Variants in BRIX1 observed in about 807,000 individuals in gnomAD.
The protein encoded by BRIX1 is ribosome biogenesis protein BRX1 homolog.
In BRIX1, 15 loss-of-function variants were observed where a neutral mutation model predicts 44.0. The observed-to-expected ratio is 0.34, with a 90% CI of 0.23 to 0.53. The LOEUF (loss-of-function observed/expected upper bound fraction) is 0.53. Ranked by LOEUF, BRIX1 falls within the 20% of genes least tolerant of loss-of-function variation. The pLI is 0.95. For synonymous variants in BRIX1, 149 were observed against 135.4 expected (o/e 1.10, Z -0.70); for missense variants, 420 against 432.8 (o/e 0.97, Z 0.26).
At chr5:34,921,570 T>C (rs995718652) in intron 3 of BRIX1, 3 of 152,192 alleles carry the variant, frequency 2.0e-5, no homozygotes, top group African/African-American at 7.2e-5. Context: ...CCGTAGGGCA[T>C]CTATTTTTAG....
intron 2 of BRIX1, among the ~76,000 whole-genome samples, chr5:34,919,484 T>G (rs1764194242): frequency 6.6e-6 from 1 of 152,142 alleles, no homozygotes; most frequent in African/African-American, 2.4e-5. Flanking sequence ...CACCTAAGAT[T>G]AAAAAGTGAA....
At position 34,924,868 on chromosome 5, in the gene BRIX1, C is replaced by T; in HGVS notation, c.685C>T (p.Leu229Phe). The change falls in exon 9 of 10, where the codon CTT becomes TTT. Residue 229 changes from leucine to phenylalanine, a missense_variant. Physicochemically the swap from Leu to Phe is conservative, Grantham distance 22. Coordinates refer to ENST00000336767, the MANE Select transcript of BRIX1 (RefSeq NM_018321.4). ...AAAGATCATAGAAGAAGATGCTGCT[C>T]TTGTAGAAATAGGACCTCGTTTTGT... Reference protein sequence around the residue: ...NFQIIEEDAALVEIGPRFVLN... With the variant: ...NFQIIEEDAAFVEIGPRFVLN... 2 of 1,606,242 alleles carry T rather than the reference C, an allele frequency of 1.2e-6. No individual in the cohort carries two copies. Among genetic ancestry groups the T allele is most frequent in the South Asian group, 2.2e-5 (2 of 90,886 alleles).
chr5:34,923,027 T>C lies in BRIX1; in HGVS notation c.537T>C (p.Ala179=). The C allele has an allele frequency of 6.5e-7, 1 of 1,546,380 alleles. No homozygotes were observed. Among genetic ancestry groups the C allele is most frequent in the Non-Finnish European group, 8.9e-7 (1 of 1,119,316 alleles). Residue 179 remains alanine (A), a synonymous_variant, in exon 7 of 10, where the codon GCT becomes GCC. Coordinates refer to ENST00000336767, the MANE Select transcript of BRIX1 (RefSeq NM_018321.4). The part of the protein sequence containing the change: ...DPAFDELPHY[A]LLKELLIQIF... Reference sequence around the variant, plus strand: ...CTTTTGATGAATTACCACATTATGCTTTGTTAAAAGAACTCTTAATTCAGG... The same window carrying C: ...CTTTTGATGAATTACCACATTATGCCTTGTTAAAAGAACTCTTAATTCAGG...
At position 34,924,887 on chromosome 5, in the gene BRIX1, G is replaced by T; in HGVS notation, c.704G>T (p.Arg235Leu). ...EDAALVEIGP[R>L]FVLNLIKIFQ... ...GCTGCTCTTGTAGAAATAGGACCTC[G>T]TTTTGTCTTAAATCTCATAAAGATT... is the stretch of plus-strand genomic sequence containing the variant. The change falls in exon 9 of 10, where the codon CGT (arginine) becomes CTT (leucine). Residue 235 changes from arginine (R) to leucine (L), a missense_variant. Coordinates refer to ENST00000336767, the MANE Select transcript of BRIX1 (RefSeq NM_018321.4). The T allele has an allele frequency of 6.2e-7, 1 of 1,607,818 alleles. No homozygotes were observed. The highest frequency in any genetic ancestry group is 8.5e-7 in the Non-Finnish European group (1 of 1,174,448).
intron 1 of BRIX1, among the ~76,000 whole-genome samples, chr5:34,917,330 A>AT (rs1764134438): frequency 6.6e-6 from 1 of 152,160 alleles, no homozygotes; most frequent in African/African-American, 2.4e-5. Flanking sequence ...TAAGGATGTG[A>AT]TGGAAGTATT....
At position 34,925,509 on chromosome 5, in the gene BRIX1, T is replaced by C; in HGVS notation, c.*14T>C. On this transcript the variant is annotated 3_prime_UTR_variant, in exon 10 of 10. Transcript: ENST00000336767. ...AAAACAAAATAAGTCAATGGAAACC[T>C]GATTTGTTTTTCAGTTACTTTATAT... 6.3e-7 allele frequency: 1 copy of C among 1,596,032 alleles called. No homozygotes were observed. The highest frequency in any genetic ancestry group is 8.5e-7 in the Non-Finnish European group (1 of 1,172,544).
At position 34,923,045 on chromosome 5, in the gene BRIX1, A is replaced by C; in HGVS notation, c.555A>C (p.Leu185Phe). ...LPHYALLKEL[L>F]IQIFSTPRYH... ...ATTATGCTTTGTTAAAAGAACTCTT[A>C]ATTCAGGTAAATATCTTTAAAATTA... Residue 185 changes from leucine (L) to phenylalanine (F), a missense_variant, in exon 7 of 10, where the codon TTA becomes TTC. Leu to Phe is a conservative substitution (Grantham distance 22). Transcript: ENST00000336767. The C allele has an allele frequency of 6.4e-7, 1 of 1,553,602 alleles. No individual in the cohort carries two copies. Among genetic ancestry groups the C allele is most frequent in the Non-Finnish European group, 8.9e-7 (1 of 1,125,756 alleles).
rs144248671 is a variant in BRIX1 at position 34,919,865 on chromosome 5, G to A, written c.297G>A (p.Lys99=). ...ATACTAAAATGGATCGTAAGGATAA[G>A]CTATTTGTGATTAACGAGGTAATTT... The part of the protein sequence containing the change: ...KADTKMDRKD[K]LFVINEVCEM... The change falls in exon 3 of 10, where the codon AAG becomes AAA. Residue 99 remains lysine, a synonymous_variant. Transcript: ENST00000336767. 1.7e-6 allele frequency: 2 copies of A among 1,196,366 alleles called. No individual in the cohort carries two copies. Among genetic ancestry groups the A allele is most frequent in the South Asian group, 1.4e-5 (1 of 69,982 alleles). The allele number at this position is 1,196,366 out of a possible 1,614,324, so 74.1% of individuals were successfully genotyped here.
At chr5:34,915,989 C>A in intron 1 of BRIX1, 92 bp downstream of exon 1, 2 of 1,393,114 alleles carry the variant, frequency 1.4e-6, no homozygotes, top group African/African-American at 1.5e-5. Flanking sequence ...TGCTTAATTT[C>A]AGAGTAGCCC....
chr5:34,918,159 AAC>A, intron 1 of BRIX1: 11 of 356,078 alleles, frequency 3.1e-5, no homozygotes, highest in East Asian at 4.6e-5. Context: ...AAAAAAAAAA[AAC>A]TAGCTGGACA....
chr5:34,925,427 A>G lies in BRIX1; in HGVS notation c.994A>G (p.Arg332Gly). Residue 332 changes from arginine (R) to glycine (G), a missense_variant, in exon 10 of 10, where the codon AGA becomes GGA. By Grantham distance (125) the Arg-to-Gly change is moderately radical (BLOSUM62 -2). Coordinates refer to ENST00000336767, the MANE Select transcript of BRIX1 (RefSeq NM_018321.4). ...AGAGCCAAAAGTTGATTTGAAAGCA[A>G]GAAAGAAACGGATTTACAAAAGGCA... The part of the protein sequence containing the change: ...KPEPKVDLKA[R>G]KKRIYKRQRK... The G allele has an allele frequency of 6.2e-7, 1 of 1,614,032 alleles. No individual in the cohort carries two copies. The highest frequency in any genetic ancestry group is 1.3e-5 in the African/African-American group (1 of 75,074).
intron 3 of BRIX1, chr5:34,920,593 T>G (rs1764217653): frequency 6.6e-6 from 1 of 152,160 alleles, no homozygotes; most frequent in South Asian, 2.1e-4. Context: ...TAAACAAGGT[T>G]TATAATTTCA....
intron 8 of BRIX1, among the ~76,000 whole-genome samples, chr5:34,924,503 C>G (rs1764309871): frequency 6.6e-6 from 1 of 152,142 alleles, no homozygotes. Context: ...AGAGTTCCCC[C>G]ATAATGTGCT....
At chr5:34,917,447 G>C (rs1044919164) in intron 1 of BRIX1, among the ~76,000 whole-genome samples, 14 of 151,372 alleles carry the variant, frequency 9.2e-5, no homozygotes, top group African/African-American at 3.4e-4. Flanking sequence ...GCCTGGCCAA[G>C]ATGGTGAAAC....
At chr5:34,916,043 C>A in intron 1 of BRIX1, 146 bp downstream of exon 1, 1 of 945,140 alleles carries the variant, frequency 1.1e-6, no homozygotes, top group Non-Finnish European at 1.5e-6. Context: ...CCCGGCCAGA[C>A]TGGGCACGGA....
At position 34,915,861 on chromosome 5, in the gene BRIX1, A is replaced by G. The variant is rs1764062786; in HGVS notation, c.123A>G (p.Glu41=). ...KRHATAEEVE[E]EERDRIPGPV... ...ACGCCACAGCAGAGGAGGTGGAGGA[A>G]GAAGAGAGGGACCGGATCCCAGGCC... Residue 41 remains glutamate, a synonymous_variant, in exon 1 of 10, where the codon GAA becomes GAG. Transcript: ENST00000336767. 4 of 1,564,236 alleles carry G rather than the reference A, an allele frequency of 2.6e-6. No individual in the cohort carries two copies. The South Asian group carries it at 4.7e-5, about 18-fold the overall frequency.
At position 34,915,754 on chromosome 5, in the gene BRIX1, A is replaced by G; in HGVS notation, c.16A>G (p.Arg6Gly). 1 of 1,603,846 alleles carries G rather than the reference A, an allele frequency of 6.2e-7. No individual in the cohort carries two copies. MAATK[R>G]KRRGGFAVQA... Reference sequence around the variant, plus strand: ...GCGAGGCAAGATGGCGGCAACCAAGAGGAAACGGCGTGGAGGCTTTGCAGT... The same window carrying G: ...GCGAGGCAAGATGGCGGCAACCAAGGGGAAACGGCGTGGAGGCTTTGCAGT... Residue 6 changes from arginine to glycine, a missense_variant, in exon 1 of 10, where the codon AGG becomes GGG. Physicochemically the swap from Arg to Gly is moderately radical, Grantham distance 125. Coordinates refer to ENST00000336767, the MANE Select transcript of BRIX1 (RefSeq NM_018321.4).
At chr5:34,918,643 A>G in intron 2 of BRIX1, 168 bp downstream of exon 2, 1 of 495,044 alleles carries the variant, frequency 2.0e-6, no homozygotes, top group East Asian at 3.4e-5. Flanking sequence ...TTCGTAAGAA[A>G]TTCTTTAGAT....
rs1764264621 is a variant in BRIX1, at chr5:34,922,598, C to T, written c.436+10C>T. The stretch of plus-strand genomic sequence containing the variant: ...TTCCTTGTTCAAAATAGTAAGTTGA[C>T]TCAATAAATTTTTTTAGATGAGGAA... On this transcript the variant is annotated intron_variant, in intron 5 of 9. Coordinates refer to ENST00000336767, the MANE Select transcript of BRIX1 (RefSeq NM_018321.4). 6.2e-7 allele frequency: 1 copy of T among 1,600,752 alleles called. No individual in the cohort carries two copies. Among genetic ancestry groups the T allele is most frequent in the Non-Finnish European group, 8.6e-7 (1 of 1,168,360 alleles).
Sources: allele counts gnomAD v4.1 joint callset (sites outside exome capture counted in the v4.1 genomes callset), GRCh38; gene constraint gnomAD v4.1.1; transcripts MANE v1.5; gene names NCBI Gene and HGNC (gene_info 2026-07-23, HGNC 2026-07-21).